Variants in IAH1 observed in about 807,000 individuals in gnomAD.
The protein encoded by IAH1 is isoamyl acetate hydrolyzing esterase 1 (putative).
In IAH1, 24 loss-of-function variants were observed where a neutral mutation model predicts 26.7. That is an observed-to-expected ratio of 0.90 (90% CI 0.65 to 1.26). The LOEUF is 1.26. Ranked by LOEUF, IAH1 falls within the 50% of genes most tolerant of loss-of-function variation. IAH1 has a pLI of 0.00. For synonymous variants in IAH1, 140 were observed against 118.5 expected (o/e 1.18, Z -1.18); for missense variants, 300 against 299.9 (o/e 1.00, Z 0.00).
chr2:9,490,883 G>A (rs1217081262), downstream of IAH1, among the ~76,000 whole-genome samples: 1 of 152,178 alleles, frequency 6.6e-6, no homozygotes, highest in Non-Finnish European at 1.5e-5. Flanking sequence ...TATGGCTTGG[G>A]AAGGGGACAG....
intron 2 of IAH1, among the ~76,000 whole-genome samples, chr2:9,477,604 G>A (rs1660892509): frequency 6.6e-6 from 1 of 151,496 alleles, no homozygotes. Flanking sequence ...AAGGAGCACA[G>A]CGTGCCCAGG....
chr2:9,474,501 A>G, upstream of IAH1: 1 of 1,000,142 alleles, frequency 1.0e-6, no homozygotes, highest in Non-Finnish European at 1.3e-6. The surrounding 1 kb of genome is among the most constrained non-coding windows in gnomAD (Gnocchi z 4.3). Flanking sequence ...CCCGCAACCC[A>G]CGGGCGGCCA....
chr2:9,498,819 G>A (rs192861368), downstream of IAH1, among the ~76,000 whole-genome samples: 7 of 152,308 alleles, frequency 4.6e-5, no homozygotes, highest in Non-Finnish European at 1.0e-4. Flanking sequence ...ATTAAAAAAT[G>A]CTCAATAAAT....
At chr2:9,502,058 G>A in the IAH1 span, 173 of 920,416 alleles carry the variant, frequency 1.9e-4, no homozygotes, top group African/African-American at 1.7e-3. Context: ...AACTCAACCC[G>A]GCATATGAGA....
At chr2:9,480,315 C>T (rs1661092672) in intron 3 of IAH1, among the ~76,000 whole-genome samples, 2 of 152,104 alleles carry the variant, frequency 1.3e-5, no homozygotes, top group Admixed American at 6.5e-5. Context: ...CCAGCCTGGG[C>T]AACAGAGTGA....
chr2:9,479,439 A>G (rs1315616863), intron 3 of IAH1, among the ~76,000 whole-genome samples: 3 of 152,220 alleles, frequency 2.0e-5, no homozygotes, highest in Admixed American at 1.3e-4. Flanking sequence ...TGTAGAAATC[A>G]ATAAGAAAAA....
At chr2:9,506,125 G>T in the IAH1 span, among the ~76,000 whole-genome samples, 3 of 152,156 alleles carry the variant, frequency 2.0e-5, no homozygotes, top group South Asian at 6.2e-4. Flanking sequence ...AGGGAAAACT[G>T]AGCATAGTTA....
chr2:9,505,807 CAGG>C, the IAH1 span, among the ~76,000 whole-genome samples: 3 of 152,140 alleles, frequency 2.0e-5, no homozygotes, highest in Non-Finnish European at 2.9e-5. Context: ...TTCAGAAATG[CAGG>C]AGAAGGGGTT....
At chr2:9,499,137 T>G (rs766466885), downstream of IAH1, among the ~76,000 whole-genome samples, 15 of 147,046 alleles carry the variant, frequency 1.0e-4, no homozygotes, top group Middle Eastern at 0.017. Context: ...TTTTTGAGGT[T>G]GTTGTTCTCT....
At position 9,476,491 on chromosome 2, in the gene IAH1, C is replaced by T. The variant is rs113848131; in HGVS notation, c.134+452C>T. On this transcript the variant is annotated intron_variant, in intron 2 of 5. Coordinates refer to ENST00000497473, the MANE Select transcript of IAH1 (RefSeq NM_001039613.3). ...TTTTGCGACAGGGTCTCTTGTTAGG[C>T]GCGTCCACGTGAAGAGACCACCAAA... Among the ~76,000 whole-genome samples, 333 of 152,292 alleles carry T rather than the reference C, an allele frequency of 2.2e-3. 2 individuals are homozygous for T. Among genetic ancestry groups the T allele is most frequent in the African/African-American group, 7.4e-3 (306 of 41,556 alleles).
At chr2:9,504,556 G>A in the IAH1 span, among the ~76,000 whole-genome samples, 1 of 152,104 alleles carries the variant, frequency 6.6e-6, no homozygotes, top group Non-Finnish European at 1.5e-5. Flanking sequence ...CACAAGGTCA[G>A]GAGTTGGAGA....
At chr2:9,482,804 G>A (rs1661261322) in intron 4 of IAH1, among the ~76,000 whole-genome samples, 1 of 152,222 alleles carries the variant, frequency 6.6e-6, no homozygotes, top group Non-Finnish European at 1.5e-5. Flanking sequence ...ACAGACAAAC[G>A]GGGAGAAACC....
chr2:9,475,060 C>T (rs2124889409), intron 1 of IAH1: 3 of 1,187,146 alleles, frequency 2.5e-6, no homozygotes, highest in South Asian at 3.1e-5. Flanking sequence ...CGGGCAGAGG[C>T]GCCAGGAGCT....
the IAH1 span, among the ~76,000 whole-genome samples, chr2:9,504,242 C>T: frequency 1.3e-5 from 2 of 148,918 alleles, no homozygotes; most frequent in African/African-American, 2.5e-5. Context: ...GTCAGGAGAT[C>T]GAGACCATCC....
At position 9,475,299 on chromosome 2, in the gene IAH1, G is replaced by A. The variant is rs538830108; in HGVS notation, c.81+652G>A. 8.0e-6 allele frequency: 7 copies of A among 877,802 alleles called. No individual in the cohort carries two copies. The South Asian group carries it at 9.6e-5, about 12-fold the overall frequency. The allele number at this position is 877,802 out of a possible 1,614,324, so 54.4% of individuals were successfully genotyped here. A position where few individuals can be genotyped will look rare whatever the true frequency, so the allele number is the denominator to read the frequency against. On this transcript the variant is annotated intron_variant, in intron 1 of 5. Coordinates refer to ENST00000497473, the MANE Select transcript of IAH1 (RefSeq NM_001039613.3). ...ACAGGACTTGCTTCACCAGGCTTTT[G>A]TGTATACGCCAGTAACTGGTAACAT...
chr2:9,479,035 G>A (rs532000047), intron 3 of IAH1, among the ~76,000 whole-genome samples: 2 of 152,240 alleles, frequency 1.3e-5, no homozygotes, highest in South Asian at 2.1e-4. Flanking sequence ...CTATTCACGG[G>A]CACACCGTAG....
chr2:9,479,911 T>C (rs1661066816), intron 3 of IAH1, among the ~76,000 whole-genome samples: 1 of 144,360 alleles, frequency 6.9e-6, no homozygotes, highest in Non-Finnish European at 1.5e-5. Flanking sequence ...CAGGTTCAAA[T>C]GATTCTCCTG....
chr2:9,475,931 C>A, intron 1 of IAH1, 56 bp from the exon 2 acceptor site: 1 of 1,508,266 alleles, frequency 6.6e-7, no homozygotes, highest in Non-Finnish European at 9.2e-7. Context: ...GAACTGCCCT[C>A]GCTGAGATGC....
At chr2:9,475,163 C>A (rs1227624092) in intron 1 of IAH1, 1 of 1,287,892 alleles carries the variant, frequency 7.8e-7, no homozygotes, top group Admixed American at 2.3e-5. Flanking sequence ...AAAGGACCAT[C>A]CGTTCATCCA....
Sources: allele counts gnomAD v4.1 joint callset (sites outside exome capture counted in the v4.1 genomes callset), GRCh38; gene constraint gnomAD v4.1.1; non-coding constraint Gnocchi (gnomAD v3.1); transcripts MANE v1.5; gene names NCBI Gene and HGNC (gene_info 2026-07-23, HGNC 2026-07-21).